Variants in GRM5 observed in about 807,000 individuals in gnomAD.
The protein encoded by GRM5 is metabotropic glutamate receptor 5.
GRM5 carries 19 observed loss-of-function variants against 83.1 expected under a neutral mutation model. The observed-to-expected ratio is 0.23, with a 90% CI of 0.16 to 0.34. The LOEUF (loss-of-function observed/expected upper bound fraction) is 0.34, where lower values mean the gene tolerates loss of function less well. Ranked by LOEUF, GRM5 falls within the 10% of genes least tolerant of loss-of-function variation. The probability of loss-of-function intolerance (pLI) is 1.00; values close to 1 mark genes in which losing one functional copy is unlikely to be tolerated. For synonymous variants in GRM5, 675 were observed against 633.6 expected (o/e 1.07, Z -0.98); for missense variants, 1,160 against 1,588.3 (o/e 0.73, Z 4.58).
chr11:88,914,645 C>A (rs1945559850), intron 2 of GRM5, among the ~76,000 whole-genome samples: 1 of 152,140 alleles, frequency 6.6e-6, no homozygotes, highest in South Asian at 2.1e-4. Context: ...TTCTCTGTTC[C>A]ATTGAATCCC....
intron 2 of GRM5, among the ~76,000 whole-genome samples, chr11:88,893,461 G>A (rs1191854351): frequency 6.6e-6 from 1 of 151,984 alleles, no homozygotes; most frequent in African/African-American, 2.4e-5. Context: ...AAAGAAGGAT[G>A]TTAGGACAAG....
intron 2 of GRM5, among the ~76,000 whole-genome samples, chr11:89,035,014 CA>C (rs1565344952): frequency 6.6e-6 from 1 of 151,388 alleles, no homozygotes; most frequent in Non-Finnish European, 1.5e-5. Context: ...TAGTTATTTA[CA>C]TGTTTTTGTA....
chr11:88,931,100 T>A (rs1470129791), intron 2 of GRM5, among the ~76,000 whole-genome samples: 1 of 151,958 alleles, frequency 6.6e-6, no homozygotes, highest in African/African-American at 2.4e-5. Flanking sequence ...CTATTATATG[T>A]GCTATAGGTA....
chr11:88,989,248 T>A (rs1314824320), intron 2 of GRM5, among the ~76,000 whole-genome samples: 1 of 141,930 alleles, frequency 7.0e-6, no homozygotes, highest in African/African-American at 2.6e-5. Flanking sequence ...CCAACAAAGA[T>A]CAAAAGAGAC....
At chr11:88,772,407 T>C (rs1942756941) in intron 3 of GRM5, among the ~76,000 whole-genome samples, 1 of 151,992 alleles carries the variant, frequency 6.6e-6, no homozygotes, top group Non-Finnish European at 1.5e-5. Flanking sequence ...CATGTACTTT[T>C]TTTATTTTTT....
intron 3 of GRM5, among the ~76,000 whole-genome samples, chr11:88,728,612 A>G (rs965572348): frequency 7.2e-5 from 11 of 152,082 alleles, no homozygotes; most frequent in African/African-American, 2.7e-4. Context: ...GAACATCAAC[A>G]TGAAAATCCT....
At chr11:88,589,761 T>A (rs1937608008) in intron 7 of GRM5, among the ~76,000 whole-genome samples, 1 of 152,206 alleles carries the variant, frequency 6.6e-6, no homozygotes, top group African/African-American at 2.4e-5. Context: ...TGTCTATAAA[T>A]CTATGTCCTC....
chr11:88,758,849 C>T (rs1476078806), intron 3 of GRM5, among the ~76,000 whole-genome samples: 4 of 152,108 alleles, frequency 2.6e-5, no homozygotes, highest in African/African-American at 7.2e-5. Context: ...AGAGAAAGCT[C>T]AGGTCACTTA....
intron 2 of GRM5, among the ~76,000 whole-genome samples, chr11:89,009,833 G>A (rs1303642550): frequency 3.6e-5 from 5 of 137,808 alleles, no homozygotes; most frequent in South Asian, 2.4e-4. Context: ...CCCGGGAGGC[G>A]GAGCTTGCAG....
intron 2 of GRM5, among the ~76,000 whole-genome samples, chr11:88,964,568 C>T (rs1401890730): frequency 1.1e-4 from 16 of 152,176 alleles, no homozygotes; most frequent in African/African-American, 3.9e-4. Context: ...TAGACAGACA[C>T]CTGCAGGGAG....
At chr11:88,886,371 A>C (rs971611467) in intron 2 of GRM5, among the ~76,000 whole-genome samples, 1 of 152,096 alleles carries the variant, frequency 6.6e-6, no homozygotes, top group Non-Finnish European at 1.5e-5. Flanking sequence ...GCAGACTCCA[A>C]CTCTGTCCTT....
intron 9 of GRM5, among the ~76,000 whole-genome samples, chr11:88,519,179 G>A (rs555515906): frequency 7.2e-4 from 109 of 151,730 alleles, no homozygotes; most frequent in African/African-American, 2.6e-3. Context: ...AGCAGCAATG[G>A]GAGTTCCTTC....
intron 2 of GRM5, among the ~76,000 whole-genome samples, chr11:88,960,223 A>C (rs1446659543): frequency 1.3e-5 from 2 of 152,178 alleles, no homozygotes; most frequent in Admixed American, 6.5e-5. Context: ...AGGTCTATTT[A>C]TATTTAGAAT....
intron 9 of GRM5, among the ~76,000 whole-genome samples, chr11:88,521,030 T>C (rs181575432): frequency 6.6e-6 from 1 of 152,254 alleles, no homozygotes; most frequent in Non-Finnish European, 1.5e-5. Context: ...AGCTGTCTAT[T>C]TCATTTGACT....
intron 9 of GRM5, among the ~76,000 whole-genome samples, chr11:88,524,402 G>C (rs1293539463): frequency 6.6e-6 from 1 of 151,834 alleles, no homozygotes; most frequent in Non-Finnish European, 1.5e-5. Flanking sequence ...GTTTTTAGTA[G>C]AGACGGGGTT....
intron 3 of GRM5, among the ~76,000 whole-genome samples, chr11:88,825,229 C>CT (rs570503924): frequency 1.7e-3 from 248 of 143,508 alleles, no homozygotes; most frequent in Middle Eastern, 3.6e-3. Flanking sequence ...GGATCCTGAA[C>CT]TTTTTTTTTT....
intron 3 of GRM5, among the ~76,000 whole-genome samples, chr11:88,765,625 A>ACAC (rs1942613134): frequency 2.6e-5 from 4 of 151,690 alleles, no homozygotes; most frequent in Admixed American, 1.3e-4. Flanking sequence ...ATGCTTGGAT[A>ACAC]ACTGGATATC....
chr11:88,713,806 A>G (rs559349249), intron 3 of GRM5, among the ~76,000 whole-genome samples: 1 of 152,146 alleles, frequency 6.6e-6, no homozygotes, highest in Non-Finnish European at 1.5e-5. Flanking sequence ...AATGATTAAA[A>G]TGCTACAAAA....
intron 2 of GRM5, among the ~76,000 whole-genome samples, chr11:89,035,058 T>C (rs1215110805): frequency 6.6e-6 from 1 of 151,648 alleles, no homozygotes; most frequent in Non-Finnish European, 1.5e-5. Flanking sequence ...TCAGTTATTC[T>C]CATCCAAATT....
Sources: gnomAD v4.1 joint callset for allele counts (sites outside exome capture counted in the v4.1 genomes callset) on GRCh38, gnomAD v4.1.1 for gene constraint, MANE v1.5 for transcripts, NCBI Gene and HGNC (gene_info 2026-07-23, HGNC 2026-07-21) for gene names.